Variants in LSAMP observed in about 807,000 individuals in gnomAD.
LSAMP encodes limbic system associated membrane protein, also known as limbic system-associated membrane protein.
In LSAMP, 7 loss-of-function variants were observed where a neutral mutation model predicts 38.6. That is an observed-to-expected ratio of 0.18 (90% confidence interval 0.10 to 0.34). The LOEUF is 0.34. LSAMP is among the 10% of genes least tolerant of loss of function. LSAMP has a pLI of 1.00. For synonymous variants in LSAMP, 154 were observed against 166.8 expected (o/e 0.92, Z 0.59); for missense variants, 313 against 420.0 (o/e 0.75, Z 2.23).
chr3:116,056,081 A>G (rs1006808688), intron 2 of LSAMP, among the ~76,000 whole-genome samples: 7 of 152,174 alleles, frequency 4.6e-5, no homozygotes, highest in African/African-American at 1.7e-4. Flanking sequence ...TAATAAGGAA[A>G]GACATGGGTT....
At chr3:116,019,781 A>G (rs1940586905) in intron 2 of LSAMP, 141 bp from the exon 3 acceptor site, 3 of 858,824 alleles carry the variant, frequency 3.5e-6, no homozygotes, top group African/African-American at 3.4e-5. Context: ...TTTAAGACCC[A>G]TGCTTGCCAT....
Position 116,409,269 on chromosome 3 carries a change from C to A in LSAMP, c.155+35608G>T, listed in dbSNP as rs997881122. Among the ~76,000 whole-genome samples the A allele has an allele frequency of 3.9e-5, 6 of 152,112 alleles. No homozygotes were observed. In the South Asian group the frequency reaches 8.3e-4, roughly 21 times the overall value. On this transcript the variant is annotated intron_variant, in intron 1 of 6. Coordinates refer to ENST00000490035, the MANE Select transcript of LSAMP (RefSeq NM_002338.5). ...TGTAGTTTCCAGCCCAAATTTGGCA[C>A]AGAGATGCTTTAGGATGACTTCAGT...
chr3:116,404,243 T>C (rs2048875112), intron 1 of LSAMP, among the ~76,000 whole-genome samples: 1 of 152,156 alleles, frequency 6.6e-6, no homozygotes, highest in Non-Finnish European at 1.5e-5. Context: ...GATTCAGTTG[T>C]AAATACAAAA....
chr3:116,294,617 C>T (rs1411581080), intron 1 of LSAMP, among the ~76,000 whole-genome samples: 4 of 151,950 alleles, frequency 2.6e-5, no homozygotes, highest in South Asian at 4.2e-4. Context: ...TCCTATTGTG[C>T]CTCAAAATAT....
At chr3:116,333,949 C>A (rs984563289) in intron 1 of LSAMP, among the ~76,000 whole-genome samples, 26 of 150,858 alleles carry the variant, frequency 1.7e-4, no homozygotes, top group African/African-American at 6.3e-4. Flanking sequence ...AATAATAAAG[C>A]AAAAAATGTG....
intron 2 of LSAMP, among the ~76,000 whole-genome samples, chr3:116,044,169 G>A (rs1370582221): frequency 1.3e-5 from 2 of 152,182 alleles, no homozygotes; most frequent in Non-Finnish European, 2.9e-5. Context: ...CCTGCAGTGT[G>A]TTGAGTACAC....
At chr3:115,822,698 A>G (rs1182874947) in intron 6 of LSAMP, among the ~76,000 whole-genome samples, 1 of 152,166 alleles carries the variant, frequency 6.6e-6, no homozygotes, top group African/African-American at 2.4e-5. Flanking sequence ...CATTGCCCTC[A>G]TGACTAAGAG....
chr3:115,824,396 A>G (rs1934341265), intron 6 of LSAMP, among the ~76,000 whole-genome samples: 1 of 152,154 alleles, frequency 6.6e-6, no homozygotes, highest in Non-Finnish European at 1.5e-5. Flanking sequence ...CTCATTTAAT[A>G]AAGAACTATA....
chr3:116,007,675 C>CAT (rs1345481290), intron 3 of LSAMP, among the ~76,000 whole-genome samples: 1 of 152,092 alleles, frequency 6.6e-6, no homozygotes, highest in African/African-American at 2.4e-5. Flanking sequence ...CACACACACA[C>CAT]ACACACAGTC....
At chr3:115,921,805 A>G (rs1937388893) in intron 3 of LSAMP, among the ~76,000 whole-genome samples, 1 of 152,130 alleles carries the variant, frequency 6.6e-6, no homozygotes, top group Admixed American at 6.5e-5. Context: ...ATTTTTAAGG[A>G]ATATTTCTGC....
chr3:116,107,804 C>T (rs998911275), intron 1 of LSAMP, among the ~76,000 whole-genome samples: 4 of 152,182 alleles, frequency 2.6e-5, no homozygotes, highest in African/African-American at 9.6e-5. Flanking sequence ...CACGTTTGAG[C>T]TGCAGAACAG....
chr3:116,222,360 CT>C (rs1485170185), intron 1 of LSAMP, among the ~76,000 whole-genome samples: 1 of 151,592 alleles, frequency 6.6e-6, no homozygotes, highest in African/African-American at 2.4e-5. Flanking sequence ...ATGGATGAAG[CT>C]GCTTTTTAAT....
chr3:116,391,987 G>T (rs926280056), intron 1 of LSAMP, among the ~76,000 whole-genome samples: 1 of 152,156 alleles, frequency 6.6e-6, no homozygotes, highest in Non-Finnish European at 1.5e-5. Flanking sequence ...ACTCCCAAAG[G>T]CACCCCATGG....
chr3:116,435,555 C>CG (rs1436873014), intron 1 of LSAMP, among the ~76,000 whole-genome samples: 17 of 152,148 alleles, frequency 1.1e-4, no homozygotes, highest in African/African-American at 3.6e-4. Flanking sequence ...TCTTGTCCTG[C>CG]GTGCCACACC....
At chr3:116,140,330 GT>G (rs113473227) in intron 1 of LSAMP, among the ~76,000 whole-genome samples, 8,144 of 150,678 alleles carry the variant, frequency 0.054, 287 homozygotes, top group Middle Eastern at 0.16. Flanking sequence ...CACCAGACTT[GT>G]TTTTTTTTAT....
intron 1 of LSAMP, among the ~76,000 whole-genome samples, chr3:116,339,113 A>T: frequency 6.6e-6 from 1 of 152,002 alleles, no homozygotes; most frequent in East Asian, 1.9e-4. Context: ...TATGAGAATG[A>T]CAGGGTGCAT....
At chr3:115,942,027 T>C (rs1373628666) in intron 3 of LSAMP, among the ~76,000 whole-genome samples, 30 of 152,136 alleles carry the variant, frequency 2.0e-4, no homozygotes. Flanking sequence ...TTTAATTATA[T>C]TTTTTCTATT....
intron 3 of LSAMP, among the ~76,000 whole-genome samples, chr3:115,862,148 C>G (rs1935724426): frequency 6.6e-6 from 1 of 152,108 alleles, no homozygotes; most frequent in Admixed American, 6.5e-5. Flanking sequence ...GAGTCAGTAA[C>G]AAACAAGATC....
intron 6 of LSAMP, among the ~76,000 whole-genome samples, chr3:115,813,439 T>G (rs1933905212): frequency 1.3e-5 from 2 of 152,194 alleles, no homozygotes; most frequent in African/African-American, 2.4e-5. Context: ...TCTATGATGT[T>G]CACAAGAATG....
Sources: allele counts gnomAD v4.1 joint callset (sites outside exome capture counted in the v4.1 genomes callset), GRCh38; gene constraint gnomAD v4.1.1; transcripts MANE v1.5; gene names NCBI Gene and HGNC (gene_info 2026-07-23, HGNC 2026-07-21).